FUT9: variants seen among roughly 807,000 people sequenced by gnomAD.
FUT9 encodes 4-galactosyl-N-acetylglucosaminide 3-alpha-L-fucosyltransferase 9.
In FUT9, 15 loss-of-function variants were observed where a neutral mutation model predicts 29.7. The ratio of observed to expected loss-of-function variants is 0.51; its 90% CI spans 0.34 to 0.78. The LOEUF (loss-of-function observed/expected upper bound fraction) is 0.78, where lower values mean the gene tolerates loss of function less well. FUT9 is among the 30% of genes least tolerant of loss of function. The pLI is 0.01. For missense variants in FUT9, 319 were observed against 425.4 expected, an observed-to-expected ratio of 0.75 and a Z score of 2.20; for synonymous variants, 169 against 153.7, an observed-to-expected ratio of 1.10 and a Z score of -0.74.
chr6:96,051,353 T>C (rs1376602086), intron 1 of FUT9, among the ~76,000 whole-genome samples: 1 of 152,136 alleles, frequency 6.6e-6, no homozygotes, highest in Admixed American at 6.6e-5. Context: ...TGAAATTCTT[T>C]TTGAAAACAA....
chr6:96,184,419 T>C (rs1300031966), intron 2 of FUT9, among the ~76,000 whole-genome samples: 1 of 151,960 alleles, frequency 6.6e-6, no homozygotes, highest in Non-Finnish European at 1.5e-5. Flanking sequence ...ATATCTTTTG[T>C]TTTTTTGTTT....
intron 1 of FUT9, among the ~76,000 whole-genome samples, chr6:96,054,769 T>G (rs1770732821): frequency 6.6e-6 from 1 of 152,154 alleles, no homozygotes; most frequent in Admixed American, 6.5e-5. Flanking sequence ...TTTCAGTACT[T>G]CATATGTCTG....
At chr6:96,156,490 T>G (rs1772787389) in intron 2 of FUT9, among the ~76,000 whole-genome samples, 1 of 152,164 alleles carries the variant, frequency 6.6e-6, no homozygotes, top group Non-Finnish European at 1.5e-5. Context: ...CCAGTTTTCC[T>G]TCGCAGTACA....
chr6:96,111,256 C>T (rs9390863), intron 1 of FUT9, among the ~76,000 whole-genome samples: 2 of 152,066 alleles, frequency 1.3e-5, no homozygotes, highest in Non-Finnish European at 2.9e-5. Flanking sequence ...CTCTTTCCCA[C>T]CTCTACCCCA....
At chr6:96,120,269 C>CTTTTTTTTT (rs11347804) in intron 2 of FUT9, among the ~76,000 whole-genome samples, 6 of 91,472 alleles carry the variant, frequency 6.6e-5, no homozygotes, top group South Asian at 4.7e-4. Context: ...TTTTTTCTTT[C>CTTTTTTTTT]TTTTTTTTTT....
chr6:96,209,892 A>G lies in FUT9; in HGVS notation c.*5657A>G, dbSNP rs977809923. Reference sequence around the variant, plus strand: ...TTCAAATAATCCATGCCCCCCCGTCACCCAAAAAAAGAGCATGCTTTTAAT... The same window carrying G: ...TTCAAATAATCCATGCCCCCCCGTCGCCCAAAAAAAGAGCATGCTTTTAAT... On this transcript the variant is annotated 3_prime_UTR_variant, in exon 3 of 3. Coordinates refer to ENST00000302103, the MANE Select transcript of FUT9 (RefSeq NM_006581.4). 2 of 166,584 alleles carry G rather than the reference A, an allele frequency of 1.2e-5. No homozygotes were observed. The highest frequency in any genetic ancestry group is 2.4e-5 in the African/African-American group (1 of 41,394). The allele number at this position is 166,584 out of a possible 1,614,324, so 10.3% of individuals were successfully genotyped here. A position where few individuals can be genotyped will look rare whatever the true frequency, so the allele number is the denominator to read the frequency against.
At chr6:96,115,637 C>T (rs1771896655) in intron 2 of FUT9, among the ~76,000 whole-genome samples, 3 of 152,150 alleles carry the variant, frequency 2.0e-5, no homozygotes, top group Non-Finnish European at 4.4e-5. Context: ...GGAAACTCTG[C>T]TCCAGGTGAC....
At chr6:96,043,176 C>A (rs959128306) in intron 1 of FUT9, among the ~76,000 whole-genome samples, 2 of 151,996 alleles carry the variant, frequency 1.3e-5, no homozygotes, top group African/African-American at 2.4e-5. Context: ...CTCAGCCTCC[C>A]GAGTAGCTGG....
At chr6:96,022,016 TGA>T (rs1770078284) in intron 1 of FUT9, among the ~76,000 whole-genome samples, 1 of 152,072 alleles carries the variant, frequency 6.6e-6, no homozygotes, top group Non-Finnish European at 1.5e-5. Context: ...GACTGTTTTA[TGA>T]ATACTTTACA....
At chr6:96,096,684 A>ATGTGTGTGTATGTGTG (rs1771501185) in intron 1 of FUT9, among the ~76,000 whole-genome samples, 1 of 140,766 alleles carries the variant, frequency 7.1e-6, no homozygotes, top group Admixed American at 7.3e-5. Context: ...TGTCTAAGGC[A>ATGTGTGTGTATGTGTG]TGTGTGTGTG....
chr6:96,165,569 A>T (rs1027549483), intron 2 of FUT9, among the ~76,000 whole-genome samples: 1 of 151,098 alleles, frequency 6.6e-6, no homozygotes, highest in African/African-American at 2.4e-5. Context: ...TTATATTTTC[A>T]TAATATAGCT....
At chr6:96,022,415 A>C (rs1770085217) in intron 1 of FUT9, among the ~76,000 whole-genome samples, 1 of 152,060 alleles carries the variant, frequency 6.6e-6, no homozygotes, top group Admixed American at 6.6e-5. Context: ...AGTTACAGAA[A>C]TGGGAGTGGG....
At chr6:96,186,463 G>A (rs970952445) in intron 2 of FUT9, among the ~76,000 whole-genome samples, 3 of 152,060 alleles carry the variant, frequency 2.0e-5, no homozygotes, top group Admixed American at 6.6e-5. Flanking sequence ...GTATGTTAAC[G>A]TCCCTGATAT....
intron 1 of FUT9, chr6:96,037,309 C>T (rs768152326): frequency 1.3e-5 from 2 of 151,954 alleles, no homozygotes; most frequent in Admixed American, 6.6e-5. Flanking sequence ...TTGTTACAAA[C>T]CTAGGAATTG....
intron 2 of FUT9, among the ~76,000 whole-genome samples, chr6:96,190,902 C>T (rs1167999457): frequency 6.6e-6 from 1 of 152,178 alleles, no homozygotes; most frequent in Non-Finnish European, 1.5e-5. Context: ...CTTCTTCTCT[C>T]AACTTGTCAA....
chr6:96,183,358 G>C (rs1773344048), intron 2 of FUT9, among the ~76,000 whole-genome samples: 1 of 151,974 alleles, frequency 6.6e-6, no homozygotes, highest in East Asian at 1.9e-4. Context: ...GGAGTCTTTA[G>C]GGTTTTCTAG....
intron 1 of FUT9, among the ~76,000 whole-genome samples, chr6:96,096,959 C>CTGGTGTTAAT (rs1326564231): frequency 6.6e-6 from 1 of 151,998 alleles, no homozygotes; most frequent in African/African-American, 2.4e-5. Flanking sequence ...TTAGAGCACC[C>CTGGTGTTAAT]AGCACATATT....
At chr6:96,139,323 G>A (rs1481015071) in intron 2 of FUT9, among the ~76,000 whole-genome samples, 2 of 152,166 alleles carry the variant, frequency 1.3e-5, no homozygotes, top group African/African-American at 2.4e-5. Flanking sequence ...GAGTTCCCAC[G>A]GTCTTGGGAA....
At chr6:96,078,883 A>G (rs1481128453) in intron 1 of FUT9, among the ~76,000 whole-genome samples, 1 of 152,036 alleles carries the variant, frequency 6.6e-6, no homozygotes, top group Non-Finnish European at 1.5e-5. Flanking sequence ...TTTCATTGGG[A>G]GACATCAATA....
Sources: gnomAD v4.1 joint callset for allele counts (sites outside exome capture counted in the v4.1 genomes callset) on GRCh38, gnomAD v4.1.1 for gene constraint, MANE v1.5 for transcripts, NCBI Gene and HGNC (gene_info 2026-07-23, HGNC 2026-07-21) for gene names.